RAB11FIP3: variants seen among roughly 807,000 people sequenced by gnomAD.
The protein encoded by RAB11FIP3 is RAB11 family interacting protein 3.
RAB11FIP3 carries 17 observed loss-of-function variants against 77.8 expected under a neutral mutation model. The observed-to-expected ratio is 0.22, with a 90% CI of 0.15 to 0.33. The LOEUF (loss-of-function observed/expected upper bound fraction) is 0.33. Ranked by LOEUF, RAB11FIP3 falls within the 10% of genes least tolerant of loss-of-function variation. The pLI, the probability that RAB11FIP3 is intolerant of heterozygous loss-of-function variation, is 1.00. For missense variants in RAB11FIP3, 1,005 were observed against 1,011.2 expected (o/e 0.99, Z 0.08); for synonymous variants, 437 against 448.2 (o/e 0.98, Z 0.31).
chr16:440,935 AT>A (rs2055214273), intron 1 of RAB11FIP3, among the ~76,000 whole-genome samples: 2 of 146,290 alleles, frequency 1.4e-5, no homozygotes. Flanking sequence ...AGCTGAGTCC[AT>A]TTTTCTTTTT....
chr16:511,695 C>T (rs34236698), intron 9 of RAB11FIP3, among the ~76,000 whole-genome samples: 169 of 118,326 alleles, frequency 1.4e-3, no homozygotes, highest in Non-Finnish European at 1.7e-3. Flanking sequence ...CCCGACAGCC[C>T]GCCCACCCCA....
In RAB11FIP3 at chr16:426,175, G is replaced by A. The variant is rs2054937813; in HGVS notation, c.169G>A (p.Glu57Lys). ...GPDPQSPGLD[E>K]PAPGAAADGG... is the part of the protein sequence containing the mutation. Reference sequence around the variant, plus strand: ...CGACCCGCAGTCCCCGGGCCTGGATGAGCCTGCGCCCGGGGCCGCTGCAGA... The same window carrying A: ...CGACCCGCAGTCCCCGGGCCTGGATAAGCCTGCGCCCGGGGCCGCTGCAGA... The change falls in exon 1 of 14, where the codon GAG (glutamate) becomes AAG (lysine). Residue 57 changes from glutamate (E) to lysine (K), a missense_variant. Physicochemically the swap from Glu to Lys is moderately conservative, Grantham distance 56. Transcript: ENST00000262305. The surrounding 1 kb of genome is among the most constrained non-coding windows in gnomAD (Gnocchi z 5.0). 1 of 1,016,288 alleles carries A rather than the reference G, an allele frequency of 9.8e-7. No individual in the cohort carries two copies. The highest frequency in any genetic ancestry group is 1.2e-6 in the Non-Finnish European group (1 of 851,988). The allele number at this position is 1,016,288 out of a possible 1,614,324, so 63.0% of individuals were successfully genotyped here.
rs1231076899 is a variant in RAB11FIP3, at chr16:522,383, G to C, written c.*1544G>C. ...TGTAAGCATGGACTCCCAGGAGACA[G>C]TGTGGGAAACGCTCCTGCTTTAATT... On this transcript the variant is annotated 3_prime_UTR_variant, in exon 14 of 14. Coordinates refer to ENST00000262305, the MANE Select transcript of RAB11FIP3 (RefSeq NM_014700.4). The C allele has an allele frequency of 6.6e-6, 1 of 151,972 alleles. No homozygotes were observed. Among genetic ancestry groups the C allele is most frequent in the Non-Finnish European group, 1.5e-5 (1 of 67,990 alleles). 9.4% of individuals were successfully genotyped at this position (151,972 alleles called of 1,614,324 possible).
chr16:493,912 T>C (rs893696553), intron 5 of RAB11FIP3, among the ~76,000 whole-genome samples: 1 of 142,104 alleles, frequency 7.0e-6, no homozygotes, highest in Admixed American at 7.0e-5. Flanking sequence ...ATATTATCTT[T>C]TTCTTTTTTG....
intron 5 of RAB11FIP3, among the ~76,000 whole-genome samples, chr16:492,383 C>CCAGAGCCTTCCCGGGAGACCCGAGGCCGT (rs2030421162): frequency 1.0e-5 from 1 of 100,190 alleles, no homozygotes; most frequent in African/African-American, 7.3e-5. Flanking sequence ...CCCGAGGCCG[C>CCAGAGCCTTCCCGGGAGACCCGAGGCCGT]CCAGAGCCCT....
At chr16:501,234 G>A (rs1235429483) in intron 6 of RAB11FIP3, among the ~76,000 whole-genome samples, 1 of 152,254 alleles carries the variant, frequency 6.6e-6, no homozygotes, top group African/African-American at 2.4e-5. Flanking sequence ...TACGTCCCTA[G>A]CCAAGCTGTT....
chr16:447,406 C>G (rs1468427751), intron 1 of RAB11FIP3, among the ~76,000 whole-genome samples: 1 of 152,144 alleles, frequency 6.6e-6, no homozygotes, highest in African/African-American at 2.4e-5. Flanking sequence ...GTAGCTGGGA[C>G]TACAGGTGTG....
At chr16:460,802 G>C (rs2055592419) in intron 1 of RAB11FIP3, among the ~76,000 whole-genome samples, 2 of 151,292 alleles carry the variant, frequency 1.3e-5, no homozygotes, top group African/African-American at 4.9e-5. Flanking sequence ...CTGGCGTTCA[G>C]TGGCCAGGGT....
chr16:443,130 T>C (rs929616372), intron 1 of RAB11FIP3, among the ~76,000 whole-genome samples: 2 of 152,110 alleles, frequency 1.3e-5, no homozygotes, highest in Non-Finnish European at 2.9e-5. Flanking sequence ...GTGATGCATT[T>C]TAAGAGAAAT....
chr16:430,862 G>A (rs2055023874), intron 1 of RAB11FIP3, among the ~76,000 whole-genome samples: 1 of 152,214 alleles, frequency 6.6e-6, no homozygotes, highest in Admixed American at 6.5e-5. Flanking sequence ...AATTATTTTT[G>A]TAGAGATGAA....
At position 502,830 on chromosome 16, in the gene RAB11FIP3, T is replaced by C. The variant is rs2031606252; in HGVS notation, c.1302-174T>C. The C allele has an allele frequency of 4.9e-6, 3 of 613,162 alleles. No individual in the cohort carries two copies. In the East Asian group the frequency reaches 9.1e-5, roughly 19 times the overall value. 38.0% of individuals were successfully genotyped at this position (613,162 alleles called of 1,614,324 possible). On this transcript the variant is annotated intron_variant, in intron 6 of 13. Transcript: ENST00000262305. ...TGGTAAAGATGTCCAGCCTGGGACC[T>C]CCCCCTGTATATAGTGCTTTAAGTG...
chr16:520,029 C>A, intron 11 of RAB11FIP3, 93 bp from the exon 12 acceptor site: 4 of 1,525,706 alleles, frequency 2.6e-6, no homozygotes, highest in Non-Finnish European at 3.5e-6. Context: ...CGAGAGACGG[C>A]CAGATCAACC....
intron 1 of RAB11FIP3, among the ~76,000 whole-genome samples, chr16:440,998 T>A (rs2055215819): frequency 6.6e-6 from 1 of 152,200 alleles, no homozygotes; most frequent in East Asian, 1.9e-4. Context: ...TGGAGTGCAT[T>A]GGTGCAATCT....
At chr16:494,547 G>T (rs1227805635) in intron 5 of RAB11FIP3, among the ~76,000 whole-genome samples, 1 of 151,968 alleles carries the variant, frequency 6.6e-6, no homozygotes, top group Non-Finnish European at 1.5e-5. Flanking sequence ...GCGTGAACCC[G>T]GGAGGTGGAA....
intron 1 of RAB11FIP3, among the ~76,000 whole-genome samples, chr16:438,038 A>G (rs976919613): frequency 6.6e-6 from 1 of 151,902 alleles, no homozygotes. Context: ...TGAACTCCTG[A>G]CCTTAAGTGA....
chr16:485,283 T>C (rs1224341865), intron 4 of RAB11FIP3, among the ~76,000 whole-genome samples: 2 of 152,152 alleles, frequency 1.3e-5, no homozygotes, highest in Non-Finnish European at 2.9e-5. Context: ...CCCTGGTCTG[T>C]TGGGTCCTCT....
At chr16:451,775 C>T (rs1395495918) in intron 1 of RAB11FIP3, among the ~76,000 whole-genome samples, 5 of 151,848 alleles carry the variant, frequency 3.3e-5, no homozygotes, top group Non-Finnish European at 5.9e-5. Context: ...GCGGAGGTTA[C>T]AGTGACCCGA....
intron 4 of RAB11FIP3, among the ~76,000 whole-genome samples, chr16:484,541 C>T (rs1172566690): frequency 1.3e-5 from 2 of 152,080 alleles, no homozygotes; most frequent in Non-Finnish European, 2.9e-5. Flanking sequence ...TTAGTAGAGA[C>T]GGGGTTTCAC....
At chr16:473,196 T>G (rs1457461751) in intron 3 of RAB11FIP3, among the ~76,000 whole-genome samples, 1 of 152,186 alleles carries the variant, frequency 6.6e-6, no homozygotes, top group East Asian at 1.9e-4. Flanking sequence ...ATTTTATCCT[T>G]AAAGGCCCAC....
Sources: allele counts gnomAD v4.1 joint callset (sites outside exome capture counted in the v4.1 genomes callset), GRCh38; gene constraint gnomAD v4.1.1; non-coding constraint Gnocchi (gnomAD v3.1); transcripts MANE v1.5; gene names NCBI Gene and HGNC (gene_info 2026-07-23, HGNC 2026-07-21).